Variants in HERC1 observed in about 807,000 individuals in gnomAD.
HERC1 encodes probable E3 ubiquitin-protein ligase HERC1.
Under a neutral mutation model 554.3 loss-of-function variants are expected in HERC1, and 160 were observed. That is an observed-to-expected ratio of 0.29 (90% CI 0.25 to 0.33). HERC1 has a LOEUF of 0.33. HERC1 is among the 10% of genes least tolerant of loss of function. HERC1 has a pLI of 1.00. For missense variants in HERC1, 4,919 were observed against 5,918.5 expected (o/e 0.83, Z 5.54); for synonymous variants, 2,175 against 2,131.7 (o/e 1.02, Z -0.56).
At chr15:63,673,869 C>A (rs1257622001) in intron 38 of HERC1, among the ~76,000 whole-genome samples, 4 of 152,158 alleles carry the variant, frequency 2.6e-5, no homozygotes, top group African/African-American at 9.7e-5. Context: ...GGATTAAAGG[C>A]ACACGCCATT....
chr15:63,647,960 T>C, intron 55 of HERC1, 109 bp downstream of exon 55: 2 of 842,766 alleles, frequency 2.4e-6, no homozygotes, highest in Non-Finnish European at 3.8e-6. Flanking sequence ...TGTATGTCAT[T>C]TGGGTGATGG....
chr15:63,804,629 T>C (rs891723935), intron 1 of HERC1, among the ~76,000 whole-genome samples: 6 of 149,040 alleles, frequency 4.0e-5, no homozygotes, highest in Non-Finnish European at 7.4e-5. Context: ...GACTTAGATA[T>C]GATGAACACA....
At chr15:63,625,226 T>C (rs2068251870) in intron 71 of HERC1, among the ~76,000 whole-genome samples, 1 of 152,084 alleles carries the variant, frequency 6.6e-6, no homozygotes, top group African/African-American at 2.4e-5. Context: ...TTCCCCGACC[T>C]CCCTTTCCCC....
At chr15:63,652,299 TA>T in intron 52 of HERC1, 114 bp downstream of exon 52, 1 of 867,460 alleles carries the variant, frequency 1.2e-6, no homozygotes, top group Non-Finnish European at 1.6e-6. Context: ...AATACTAATC[TA>T]AAAGAAAATT....
intron 38 of HERC1, among the ~76,000 whole-genome samples, chr15:63,673,463 A>G (rs964082597): frequency 5.1e-4 from 77 of 152,218 alleles, no homozygotes; most frequent in Non-Finnish European, 2.4e-4. Context: ...GAAGAACAAT[A>G]TAAACTCCAT....
intron 25 of HERC1, among the ~76,000 whole-genome samples, chr15:63,705,560 T>C (rs748371399): frequency 1.3e-5 from 2 of 152,138 alleles, no homozygotes; most frequent in Non-Finnish European, 2.9e-5. Context: ...TTTCTATGGA[T>C]GAGAAACCTA....
At chr15:63,740,146 G>A (rs1232725492) in intron 12 of HERC1, among the ~76,000 whole-genome samples, 2 of 152,160 alleles carry the variant, frequency 1.3e-5, no homozygotes, top group Non-Finnish European at 2.9e-5. Flanking sequence ...CTGGACTCAA[G>A]TGATGTGCCC....
Position 63,727,969 on chromosome 15 carries a change from T to C in HERC1, c.3155-131A>G. ...AACAACTCTCTGTTGAACACCTACC[T>C]GGTAGCTGATGTAGTATCAGTGTTT... On this transcript the variant is annotated intron_variant, in intron 16 of 77. Coordinates refer to ENST00000443617, the MANE Select transcript of HERC1 (RefSeq NM_003922.4). The surrounding 1 kb of genome is among the most constrained non-coding windows in gnomAD (Gnocchi z 4.3). 2 of 641,042 alleles carry C rather than the reference T, an allele frequency of 3.1e-6. No homozygotes were observed. The highest frequency in any genetic ancestry group is 5.4e-6 in the Non-Finnish European group (2 of 372,046). 39.7% of individuals were successfully genotyped at this position (641,042 alleles called of 1,614,324 possible). A position where few individuals can be genotyped will look rare whatever the true frequency, so the allele number is the denominator to read the frequency against.
Position 63,633,346 on chromosome 15 carries a change from T to C in HERC1, c.12693+502A>G, listed in dbSNP as rs116729248. Among the ~76,000 whole-genome samples the C allele has an allele frequency of 5.0e-3, 765 of 152,338 alleles. 10 individuals are homozygous for C. Among genetic ancestry groups the C allele is most frequent in the African/African-American group, 0.018 (736 of 41,576 alleles). ...GGAAAACCCACATAAAACAATCACA[T>C]AGAAGGACTTCTGTAGAGTCAAGAA... On this transcript the variant is annotated intron_variant, in intron 67 of 77. Transcript: ENST00000443617.
chr15:63,669,534 G>A lies in HERC1; in HGVS notation c.8206+4C>T, dbSNP rs771225966. The A allele has an allele frequency of 9.9e-6, 16 of 1,613,466 alleles. No individual in the cohort carries two copies. Among genetic ancestry groups the A allele is most frequent in the Admixed American group, 8.3e-5 (5 of 60,014 alleles). On this transcript the variant is annotated splice_donor_region_variant and intron_variant, in intron 40 of 77. Transcript: ENST00000443617. ...GATATCATAGTGCATATCAGCACACGCACCTGTGCGGTTAGCTGGCCTTGC... is the reference window on the plus strand; with the variant it reads ...GATATCATAGTGCATATCAGCACACACACCTGTGCGGTTAGCTGGCCTTGC...
chr15:63,747,679 C>T (rs758852867), intron 11 of HERC1, 45 bp downstream of exon 11: 54 of 1,159,580 alleles, frequency 4.7e-5, no homozygotes, highest in South Asian at 2.6e-4. Flanking sequence ...CACACACGCG[C>T]GCGCACACAC....
chr15:63,766,451 G>A (rs2075780375), intron 2 of HERC1, among the ~76,000 whole-genome samples: 2 of 152,044 alleles, frequency 1.3e-5, no homozygotes, highest in African/African-American at 4.8e-5. Context: ...CTCAAGGTAT[G>A]GTGGCATGTG....
In HERC1 at chr15:63,658,758, A is replaced by G. The variant is rs770025795; in HGVS notation, c.9425-40T>C. 133 of 1,500,988 alleles carry G rather than the reference A, an allele frequency of 8.9e-5. 1 individual carries two copies. The highest frequency in any genetic ancestry group is 7.0e-4 in the Middle Eastern group (4 of 5,716). 93.0% of individuals were successfully genotyped at this position (1,500,988 alleles called of 1,614,324 possible). A position where few individuals can be genotyped will look rare whatever the true frequency, so the allele number is the denominator to read the frequency against. ...TCTGTTTTGTTCTCAACAAGGTAAGAAAAAAATACATCTGAACTACTAAAA... is the reference window on the plus strand; with the variant it reads ...TCTGTTTTGTTCTCAACAAGGTAAGGAAAAAATACATCTGAACTACTAAAA... On this transcript the variant is annotated intron_variant, in intron 47 of 77. Transcript: ENST00000443617.
At chr15:63,784,499 C>T (rs2076379680) in intron 1 of HERC1, among the ~76,000 whole-genome samples, 1 of 152,070 alleles carries the variant, frequency 6.6e-6, no homozygotes, top group Non-Finnish European at 1.5e-5. Context: ...ACACTAGTTG[C>T]CTCTGGGAGA....
At chr15:63,633,806 T>G in intron 67 of HERC1, 42 bp downstream of exon 67, 2 of 1,591,932 alleles carry the variant, frequency 1.3e-6, no homozygotes, top group Non-Finnish European at 1.7e-6. Flanking sequence ...AGATGAAAAC[T>G]ATTTATGTTG....
rs564999807 is a variant in HERC1 at position 63,639,569 on chromosome 15, T to G, written c.11901+583A>C. Among the ~76,000 whole-genome samples, 3 of 152,360 alleles carry G rather than the reference T, an allele frequency of 2.0e-5. No individual in the cohort carries two copies. The East Asian group carries it at 5.8e-4, about 29-fold the overall frequency. The stretch of plus-strand genomic sequence containing the variant: ...TTTACTTAATTTATATTTGTCTGTT[T>G]CATATTGTATCAATGTTTATCCAAA... On this transcript the variant is annotated intron_variant, in intron 61 of 77. Coordinates refer to ENST00000443617, the MANE Select transcript of HERC1 (RefSeq NM_003922.4).
At chr15:63,782,854 G>C (rs747054714) in intron 1 of HERC1, among the ~76,000 whole-genome samples, 3 of 152,212 alleles carry the variant, frequency 2.0e-5, no homozygotes, top group Non-Finnish European at 4.4e-5. Flanking sequence ...GGATGACTTT[G>C]AGAGGTTCAA....
At chr15:63,681,451 C>T (rs947162201) in intron 34 of HERC1, among the ~76,000 whole-genome samples, 1 of 152,162 alleles carries the variant, frequency 6.6e-6, no homozygotes. Flanking sequence ...CCCACCTCGG[C>T]CTCCCAAAGT....
chr15:63,826,300 A>G lies in HERC1; in HGVS notation c.-27+7527T>C, dbSNP rs567781446. On this transcript the variant is annotated intron_variant, in intron 1 of 77. Transcript: ENST00000443617. Reference sequence around the variant, plus strand: ...TAGGATTGCCCTAACCCAGAACTTTAAACTCGCGGTTTAATTTTCATTACG... The same window carrying G: ...TAGGATTGCCCTAACCCAGAACTTTGAACTCGCGGTTTAATTTTCATTACG... 5.7e-4 allele frequency among the ~76,000 whole-genome samples: 87 copies of G among 152,270 alleles called. 1 individual carries two copies. Among genetic ancestry groups the G allele is most frequent in the Non-Finnish European group, 9.9e-4 (67 of 68,020 alleles).
Sources: allele counts gnomAD v4.1 joint callset (sites outside exome capture counted in the v4.1 genomes callset), GRCh38; gene constraint gnomAD v4.1.1; non-coding constraint Gnocchi (gnomAD v3.1); transcripts MANE v1.5; gene names NCBI Gene and HGNC (gene_info 2026-07-23, HGNC 2026-07-21).